NLRP8: variants seen among roughly 807,000 people sequenced by gnomAD.
NLRP8 encodes NLR family pyrin domain containing 8, also known as NACHT, LRR and PYD domains-containing protein 8.
NLRP8 carries 86 observed loss-of-function variants against 88.7 expected under a neutral mutation model. The ratio of observed to expected loss-of-function variants is 0.97; its 90% confidence interval spans 0.81 to 1.16. NLRP8 has a LOEUF of 1.16. NLRP8 is among the 50% of genes most tolerant of loss of function. The pLI is 0.00. For synonymous variants in NLRP8, 504 were observed against 494.6 expected (o/e 1.02, Z -0.25); for missense variants, 1,342 against 1,286.5 (o/e 1.04, Z -0.66).
intron 3 of NLRP8, among the ~76,000 whole-genome samples, chr19:55,961,415 T>A (rs899516821): frequency 1.3e-5 from 2 of 152,170 alleles, no homozygotes; most frequent in South Asian, 2.1e-4. Context: ...CTATATTTTT[T>A]TAAAAAATAA....
Position 55,987,955 on chromosome 19 carries a change from C to A in NLRP8, c.*42C>A. The A allele has an allele frequency of 6.8e-7, 1 of 1,467,908 alleles. No homozygotes were observed. Among genetic ancestry groups the A allele is most frequent in the South Asian group, 1.1e-5 (1 of 87,954 alleles). 90.9% of individuals were successfully genotyped at this position (1,467,908 alleles called of 1,614,324 possible). Reference sequence around the variant, plus strand: ...TCTCTGGGGCTTGATTGATCAGTTCCCACTCTGACAACTGGCAAATACCAG... The same window carrying A: ...TCTCTGGGGCTTGATTGATCAGTTCACACTCTGACAACTGGCAAATACCAG... On this transcript the variant is annotated 3_prime_UTR_variant, in exon 10 of 10. Coordinates refer to ENST00000291971, the MANE Select transcript of NLRP8 (RefSeq NM_176811.2).
intron 9 of NLRP8, among the ~76,000 whole-genome samples, chr19:55,987,338 C>T (rs1290111238): frequency 2.0e-5 from 3 of 152,218 alleles, no homozygotes; most frequent in Non-Finnish European, 4.4e-5. Flanking sequence ...CCACTGCACT[C>T]CAGCGTGGGT....
chr19:55,981,626 G>C (rs546588736), intron 9 of NLRP8, among the ~76,000 whole-genome samples: 13 of 152,282 alleles, frequency 8.5e-5, no homozygotes, highest in African/African-American at 3.1e-4. Context: ...TGTTCTTAAC[G>C]TGTCTGGGGA....
At position 55,962,189 on chromosome 19, in the gene NLRP8, C is replaced by G. The variant is rs772236190; in HGVS notation, c.2165C>G (p.Ala722Gly). The change falls in exon 4 of 10, where the codon GCT (alanine) becomes GGT (glycine). Residue 722 changes from alanine (A) to glycine (G), a missense_variant. Physicochemically the swap from Ala to Gly is moderately conservative, Grantham distance 60. Coordinates refer to ENST00000291971, the MANE Select transcript of NLRP8 (RefSeq NM_176811.2). The stretch of plus-strand genomic sequence containing the variant: ...GTTTTGGGGCCTCCTTTTTTGAAGG[C>G]TCTCGCGGCCGCACTGAGGCACCCT... The G allele has an allele frequency of 6.2e-7, 1 of 1,614,164 alleles. No homozygotes were observed. The highest frequency in any genetic ancestry group is 2.2e-5 in the East Asian group (1 of 44,880).
At chr19:55,949,370 TG>T (rs1978991920) in intron 1 of NLRP8, among the ~76,000 whole-genome samples, 1 of 152,098 alleles carries the variant, frequency 6.6e-6, no homozygotes, top group South Asian at 2.1e-4. Context: ...CCCCAGTAGC[TG>T]GGATTACAGG....
intron 5 of NLRP8, among the ~76,000 whole-genome samples, chr19:55,967,085 A>G (rs1979878019): frequency 6.6e-6 from 1 of 152,164 alleles, no homozygotes; most frequent in East Asian, 1.9e-4. Context: ...ATTGATTTAT[A>G]CTTTTAGTTA....
At chr19:55,962,438 G>C (rs1979657573) in intron 4 of NLRP8, among the ~76,000 whole-genome samples, 1 of 152,192 alleles carries the variant, frequency 6.6e-6, no homozygotes, top group African/African-American at 2.4e-5. Flanking sequence ...GGCTCGATCT[G>C]TCTCTAGTTA....
At chr19:55,951,857 C>T (rs190146271) in intron 1 of NLRP8, among the ~76,000 whole-genome samples, 2 of 152,288 alleles carry the variant, frequency 1.3e-5, no homozygotes, top group East Asian at 3.9e-4. Context: ...TCAAGCAATC[C>T]TCCTGCCTCA....
At chr19:55,961,645 T>C (rs1279090240) in intron 3 of NLRP8, among the ~76,000 whole-genome samples, 16 of 149,036 alleles carry the variant, frequency 1.1e-4, no homozygotes, top group Non-Finnish European at 2.2e-4. Flanking sequence ...CTACAAAAAA[T>C]ACAAAAATCA....
At position 55,966,231 on chromosome 19, in the gene NLRP8, C is replaced by T. The variant is rs1979832467; in HGVS notation, c.2232C>T (p.Ser744=). The T allele has an allele frequency of 2.5e-6, 4 of 1,613,932 alleles. No individual in the cohort carries two copies. Among genetic ancestry groups the T allele is most frequent in the African/African-American group, 1.3e-5 (1 of 74,916 alleles). The stretch of plus-strand genomic sequence containing the variant: ...TCTCCAGCCTAAGGCGTGTGAATAG[C>T]ACCATGTTGAACCAGGACTTAATCG... Residue 744 remains serine, a synonymous_variant, in exon 5 of 10, where the codon AGC becomes AGT. Coordinates refer to ENST00000291971, the MANE Select transcript of NLRP8 (RefSeq NM_176811.2).
chr19:55,947,954 T>C lies in NLRP8; in HGVS notation c.52T>C (p.Ser18Pro), dbSNP rs780579301. 39 of 1,613,924 alleles carry C rather than the reference T, an allele frequency of 2.4e-5. No homozygotes were observed. Among genetic ancestry groups the C allele is most frequent in the Non-Finnish European group, 4.2e-6 (5 of 1,179,976 alleles). Residue 18 changes from serine (S) to proline (P), a missense_variant, in exon 1 of 10, where the codon TCC (serine) becomes CCC (proline). Physicochemically the swap from Ser to Pro is moderately conservative, Grantham distance 74. Coordinates refer to ENST00000291971, the MANE Select transcript of NLRP8 (RefSeq NM_176811.2). ...CACCCCCATTCCCTTTTCATCCTCC[T>C]CCACTCACAGTTCTCATATTCCGCC...
At chr19:55,986,452 T>A (rs62130173) in intron 9 of NLRP8, among the ~76,000 whole-genome samples, 5 of 73,870 alleles carry the variant, frequency 6.8e-5, no homozygotes, top group Admixed American at 1.5e-4. Flanking sequence ...ACTCTCTCTC[T>A]CACACACACA....
At chr19:55,967,367 G>A (rs769543595) in intron 5 of NLRP8, among the ~76,000 whole-genome samples, 2 of 152,118 alleles carry the variant, frequency 1.3e-5, no homozygotes, top group African/African-American at 2.4e-5. Context: ...CCCAGCCCCT[G>A]GTAACCATCC....
intron 4 of NLRP8, among the ~76,000 whole-genome samples, chr19:55,963,581 G>T (rs923912724): frequency 2.0e-5 from 3 of 151,576 alleles, no homozygotes; most frequent in Non-Finnish European, 4.4e-5. Context: ...GTGGGGTCTT[G>T]CTCTCTTGCC....
In NLRP8 at chr19:55,986,450, TCTCA is replaced by T. The variant is rs1317929459; in HGVS notation, c.3048-1362_3048-1359del. Among the ~76,000 whole-genome samples, 3 of 52,918 alleles carry T rather than the reference TCTCA, an allele frequency of 5.7e-5. No homozygotes were observed. In the East Asian group the frequency reaches 8.9e-4, roughly 16 times the overall value. The allele number at this position is 52,918 out of a possible 152,430, so 34.7% of individuals were successfully genotyped here. A position where few individuals can be genotyped will look rare whatever the true frequency, so the allele number is the denominator to read the frequency against. On this transcript the variant is annotated intron_variant, in intron 9 of 9. Transcript: ENST00000291971. ...CTCTCACACACACATGCACTCTCTC[TCTCA>T]CACACACACTCTCTCACATACACAC...
In NLRP8 at chr19:55,973,938, G is replaced by T. The variant is rs140321338; in HGVS notation, c.2705+116G>T. 1.4e-5 allele frequency: 14 copies of T among 1,023,686 alleles called. No homozygotes were observed. The Admixed American group carries it at 2.7e-4, about 20-fold the overall frequency. The allele number at this position is 1,023,686 out of a possible 1,614,324, so 63.4% of individuals were successfully genotyped here. A position where few individuals can be genotyped will look rare whatever the true frequency, so the allele number is the denominator to read the frequency against. ...TTATTAAGTGCCTACTGCGTGTTAG[G>T]CATGGTGCTAGCACTGAGGGGAAAA... On this transcript the variant is annotated intron_variant, in intron 7 of 9. Transcript: ENST00000291971.
At chr19:55,972,057 C>A (rs928762538) in intron 6 of NLRP8, among the ~76,000 whole-genome samples, 2 of 151,352 alleles carry the variant, frequency 1.3e-5, no homozygotes, top group African/African-American at 4.9e-5. Flanking sequence ...GCTATTTATT[C>A]TTTGATGGTC....
rs1944767534 is a variant in NLRP8 at position 55,947,862 on chromosome 19, C to T, written c.-41C>T. The T allele has an allele frequency of 6.4e-7, 1 of 1,563,496 alleles. No individual in the cohort carries two copies. Among genetic ancestry groups the T allele is most frequent in the African/African-American group, 1.4e-5 (1 of 73,744 alleles). ...GTGTTTCTCTCTTCCAATCGGTTGT[C>T]TTTATCGTGGACACTGAGGTGTTCT... On this transcript the variant is annotated 5_prime_UTR_variant, in exon 1 of 10. Transcript: ENST00000291971.
chr19:55,965,056 C>T (rs1979778571), intron 4 of NLRP8, among the ~76,000 whole-genome samples: 1 of 152,064 alleles, frequency 6.6e-6, no homozygotes, highest in Non-Finnish European at 1.5e-5. Flanking sequence ...GAGGCTGAGC[C>T]AGTAGGATCA....
Sources: gnomAD v4.1 joint callset for allele counts (sites outside exome capture counted in the v4.1 genomes callset) on GRCh38, gnomAD v4.1.1 for gene constraint, MANE v1.5 for transcripts, NCBI Gene and HGNC (gene_info 2026-07-23, HGNC 2026-07-21) for gene names.